MARCHF11: variants seen among roughly 807,000 people sequenced by gnomAD.
MARCHF11 encodes the protein membrane associated ring-CH-type finger 11.
A neutral mutation model predicts 37.3 loss-of-function variants in MARCHF11; 29 were observed. That is an observed-to-expected ratio of 0.78 (90% CI 0.58 to 1.06). The LOEUF (loss-of-function observed/expected upper bound fraction) is 1.06. Ranked by LOEUF, MARCHF11 falls within the 50% of genes least tolerant of loss-of-function variation. MARCHF11 has a pLI of 0.00. For synonymous variants in MARCHF11, 233 were observed against 228.0 expected, an observed-to-expected ratio of 1.02 and a Z score of -0.20; for missense variants, 482 against 533.4, an observed-to-expected ratio of 0.90 and a Z score of 0.95.
At chr5:16,076,044 C>A (rs1003504354) in intron 3 of MARCHF11, among the ~76,000 whole-genome samples, 17 of 152,188 alleles carry the variant, frequency 1.1e-4, no homozygotes, top group African/African-American at 4.1e-4. Context: ...GATATGGATT[C>A]CTCCCTGTCT....
At chr5:16,154,313 C>A (rs1737933215) in intron 2 of MARCHF11, among the ~76,000 whole-genome samples, 1 of 151,916 alleles carries the variant, frequency 6.6e-6, no homozygotes, top group South Asian at 2.1e-4. Flanking sequence ...AAACTGCATC[C>A]AACCACTGAA....
intron 2 of MARCHF11, among the ~76,000 whole-genome samples, chr5:16,159,936 A>T (rs1256200087): frequency 6.6e-6 from 1 of 152,004 alleles, no homozygotes; most frequent in Non-Finnish European, 1.5e-5. Flanking sequence ...ATAGTTCATA[A>T]GTTTTACATC....
At chr5:16,160,208 C>A (rs1022841478) in intron 2 of MARCHF11, among the ~76,000 whole-genome samples, 3 of 143,442 alleles carry the variant, frequency 2.1e-5, no homozygotes, top group Non-Finnish European at 4.6e-5. Flanking sequence ...AAATATTTTG[C>A]CAGAGATGTT....
chr5:16,115,589 C>A (rs141325194), intron 2 of MARCHF11, among the ~76,000 whole-genome samples: 1 of 151,048 alleles, frequency 6.6e-6, no homozygotes, highest in Non-Finnish European at 1.5e-5. Context: ...AAGATGTACA[C>A]AAATTTTGCA....
intron 2 of MARCHF11, among the ~76,000 whole-genome samples, chr5:16,133,649 G>GCACACA (rs138216081): frequency 6.7e-6 from 1 of 149,944 alleles, no homozygotes; most frequent in African/African-American, 2.4e-5. Flanking sequence ...ACATACACAT[G>GCACACA]CACACACACA....
chr5:16,147,674 A>G (rs1397392165), intron 2 of MARCHF11, among the ~76,000 whole-genome samples: 2 of 110,546 alleles, frequency 1.8e-5, no homozygotes. Context: ...TTGAATGACC[A>G]TGAATCTGTC....
intron 2 of MARCHF11, among the ~76,000 whole-genome samples, chr5:16,153,733 T>C (rs1737925650): frequency 6.6e-6 from 1 of 151,964 alleles, no homozygotes; most frequent in Admixed American, 6.6e-5. Flanking sequence ...ATCCTAAAAG[T>C]AAACAGTTCA....
intron 2 of MARCHF11, among the ~76,000 whole-genome samples, chr5:16,108,242 C>T: frequency 6.6e-6 from 1 of 152,218 alleles, no homozygotes; most frequent in Admixed American, 6.5e-5. Context: ...CCCACCAGAG[C>T]TGGGCAGGGC....
At chr5:16,178,241 G>T (rs1738397002) in intron 1 of MARCHF11, among the ~76,000 whole-genome samples, 1 of 152,146 alleles carries the variant, frequency 6.6e-6, no homozygotes, top group Non-Finnish European at 1.5e-5. Flanking sequence ...AAGAAGAAAC[G>T]CATGGCATCC....
intron 2 of MARCHF11, among the ~76,000 whole-genome samples, chr5:16,093,926 AT>A (rs577006563): frequency 6.6e-6 from 1 of 152,192 alleles, no homozygotes; most frequent in East Asian, 1.9e-4. Context: ...GCTCCCTGAA[AT>A]TTTTTTTGGT....
rs56782867 is a variant in MARCHF11, at chr5:16,085,939, C to CAAAAAAAAAA, written c.886+4940_886+4949dup. Among the ~76,000 whole-genome samples, 22 of 40,972 alleles carry CAAAAAAAAAA rather than the reference C, an allele frequency of 5.4e-4. 3 individuals carry two copies. Among genetic ancestry groups the CAAAAAAAAAA allele is most frequent in the South Asian group, 1.3e-3 (1 of 752 alleles). 26.9% of individuals were successfully genotyped at this position (40,972 alleles called of 152,430 possible). A position where few individuals can be genotyped will look rare whatever the true frequency, so the allele number is the denominator to read the frequency against. ...TGGGCGAAAGAGCAAGACTCCATCT[C>CAAAAAAAAAA]AAAAAAAAAAAAAAAAAAAAAAAAA... On this transcript the variant is annotated intron_variant, in intron 3 of 3. Coordinates refer to ENST00000332432, the MANE Select transcript of MARCHF11 (RefSeq NM_001102562.3).
At chr5:16,087,866 C>A (rs773281639) in intron 3 of MARCHF11, among the ~76,000 whole-genome samples, 3 of 152,156 alleles carry the variant, frequency 2.0e-5, no homozygotes, top group Non-Finnish European at 4.4e-5. Flanking sequence ...ATTTAGCAAT[C>A]CAACTCTCCC....
chr5:16,138,572 G>A (rs62350172), intron 2 of MARCHF11, among the ~76,000 whole-genome samples: 24,518 of 152,118 alleles, frequency 0.16, 2,157 homozygotes, highest in East Asian at 0.3. Context: ...TGGTGGAGCC[G>A]TGAGAAGAGG....
At chr5:16,159,119 TA>T (rs968654348) in intron 2 of MARCHF11, among the ~76,000 whole-genome samples, 4 of 151,646 alleles carry the variant, frequency 2.6e-5, no homozygotes, top group African/African-American at 9.7e-5. Context: ...AGTAACTATT[TA>T]AAAAAAACCA....
intron 2 of MARCHF11, among the ~76,000 whole-genome samples, chr5:16,170,324 C>G (rs550416504): frequency 6.6e-6 from 1 of 152,138 alleles, no homozygotes; most frequent in South Asian, 2.1e-4. Context: ...AGACTTTTTT[C>G]ATGACATTTT....
At chr5:16,099,182 A>G (rs1335796871) in intron 2 of MARCHF11, among the ~76,000 whole-genome samples, 1 of 152,250 alleles carries the variant, frequency 6.6e-6, no homozygotes, top group Admixed American at 6.5e-5. Flanking sequence ...TTCAAGGAAG[A>G]TGATCAAATT....
chr5:16,179,070 A>G lies in MARCHF11; in HGVS notation c.506T>C (p.Ile169Thr). The change falls in exon 1 of 4, where the codon ATC becomes ACC. Residue 169 changes from isoleucine (I) to threonine (T), a missense_variant. Coordinates refer to ENST00000332432, the MANE Select transcript of MARCHF11 (RefSeq NM_001102562.3). ...AGHQHQHHQPICKICFQGAEQ... is the reference protein window; with the variant it reads ...AGHQHQHHQPTCKICFQGAEQ... ...CGCGCCCTGGAAGCAGATCTTGCAG[A>G]TGGGCTGGTGGTGCTGGTGCTGGTG... The G allele has an allele frequency of 1.3e-6, 2 of 1,490,734 alleles. No homozygotes were observed. The highest frequency in any genetic ancestry group is 2.9e-5 in the East Asian group (1 of 34,688). The allele number at this position is 1,490,734 out of a possible 1,614,324, so 92.3% of individuals were successfully genotyped here.
intron 3 of MARCHF11, 110 bp downstream of exon 3, chr5:16,090,779 T>G: frequency 2.4e-6 from 2 of 823,920 alleles, no homozygotes; most frequent in Non-Finnish European, 3.4e-6. Context: ...ACAGGAGAAC[T>G]GAGATAAGTC....
At chr5:16,138,744 C>T (rs897007623) in intron 2 of MARCHF11, among the ~76,000 whole-genome samples, 13 of 152,222 alleles carry the variant, frequency 8.5e-5, no homozygotes, top group African/African-American at 3.1e-4. Flanking sequence ...GAGCCAACCT[C>T]TTGCATCAGC....
Sources: gnomAD v4.1 joint callset for allele counts (sites outside exome capture counted in the v4.1 genomes callset) on GRCh38, gnomAD v4.1.1 for gene constraint, MANE v1.5 for transcripts, NCBI Gene and HGNC (gene_info 2026-07-23, HGNC 2026-07-21) for gene names.